Variants in RBFOX3 observed in about 807,000 individuals in gnomAD.
RBFOX3 encodes the protein RNA binding protein fox-1 homolog 3.
RBFOX3 carries 17 observed loss-of-function variants against 48.7 expected under a neutral mutation model. The observed-to-expected ratio is 0.35, with a 90% CI of 0.24 to 0.52. RBFOX3 has a LOEUF of 0.52. RBFOX3 is among the 20% of genes least tolerant of loss of function. The pLI is 0.94. For synonymous variants in RBFOX3, 212 were observed against 209.5 expected (o/e 1.01, Z -0.10); for missense variants, 382 against 497.5 (o/e 0.77, Z 2.21).
rs538011349 is a variant in RBFOX3 at position 79,311,770 on chromosome 17, G to C, written c.-174-3946C>G. Among the ~76,000 whole-genome samples the C allele has an allele frequency of 5.1e-4, 77 of 152,292 alleles. 1 individual carries two copies. Among genetic ancestry groups the C allele is most frequent in the Admixed American group, 3.3e-3 (51 of 15,292 alleles). On this transcript the variant is annotated intron_variant, in intron 2 of 14. Transcript: ENST00000693108. This position sits in a 1 kb window ranked among gnomAD's most constrained non-coding sequence, Gnocchi z 4.2. ...GCCCAGCATGCAGTTCTGGCTGGTG[G>C]AGTGGGAAGCAGTGCCCCCATGATG...
At chr17:79,397,022 C>T (rs954861672) in intron 2 of RBFOX3, among the ~76,000 whole-genome samples, 15 of 152,214 alleles carry the variant, frequency 9.9e-5, no homozygotes, top group African/African-American at 3.6e-4. Context: ...TGCTTCCTGG[C>T]TGCAAGGACG....
At chr17:79,589,260 G>T in intron 1 of RBFOX3, among the ~76,000 whole-genome samples, 1 of 151,756 alleles carries the variant, frequency 6.6e-6, no homozygotes, top group South Asian at 2.1e-4. Flanking sequence ...CCGCAGGTGG[G>T]CTTCTTCTGG....
intron 3 of RBFOX3, among the ~76,000 whole-genome samples, chr17:79,266,088 C>T (rs936751152): frequency 3.9e-5 from 6 of 152,210 alleles, no homozygotes; most frequent in African/African-American, 1.2e-4. Flanking sequence ...CTTCCCGCCC[C>T]TCTCAGCCTT....
At chr17:79,618,827 A>C in the RBFOX3 span, among the ~76,000 whole-genome samples, 1 of 152,196 alleles carries the variant, frequency 6.6e-6, no homozygotes, top group Non-Finnish European at 1.5e-5. Context: ...CATCTCCCTC[A>C]GCAAGAGGCA....
chr17:79,368,705 C>T (rs540566037), intron 2 of RBFOX3, among the ~76,000 whole-genome samples: 18 of 152,290 alleles, frequency 1.2e-4, no homozygotes, highest in Admixed American at 9.8e-4. Context: ...GATGCTGGTC[C>T]GAGGCCCCAC....
intron 8 of RBFOX3, among the ~76,000 whole-genome samples, chr17:79,102,730 G>A (rs993452189): frequency 3.0e-4 from 45 of 152,204 alleles, no homozygotes; most frequent in African/African-American, 1.1e-3. Flanking sequence ...CCAAGGTGGG[G>A]GCAAACTGCA....
At chr17:79,478,840 T>C (rs1374011369) in intron 2 of RBFOX3, among the ~76,000 whole-genome samples, 1 of 152,202 alleles carries the variant, frequency 6.6e-6, no homozygotes, top group East Asian at 1.9e-4. Flanking sequence ...TAGAATTTAC[T>C]ATACAGTAAA....
intron 1 of RBFOX3, among the ~76,000 whole-genome samples, chr17:79,545,031 C>G (rs535346863): frequency 4.3e-5 from 6 of 139,850 alleles, no homozygotes; most frequent in African/African-American, 1.3e-4. Flanking sequence ...ACAAATAAAA[C>G]TCTTTCCTTC....
Position 79,143,374 on chromosome 17 carries a change from G to C in RBFOX3, c.-33-27626C>G, listed in dbSNP as rs543742224. 3.3e-4 allele frequency among the ~76,000 whole-genome samples: 40 copies of C among 121,264 alleles called. 1 individual carries two copies. Among genetic ancestry groups the C allele is most frequent in the Admixed American group, 1.2e-3 (15 of 12,008 alleles). 79.6% of individuals were successfully genotyped at this position (121,264 alleles called of 152,430 possible). On this transcript the variant is annotated intron_variant, in intron 4 of 14. Coordinates refer to ENST00000693108, the MANE Select transcript of RBFOX3 (RefSeq NM_001350451.2). ...ATGGTGCTGTCCTTGTTGGTGGAGC[G>C]GGGGGTGGGGGGGGGTTCTATAAAT... is the stretch of plus-strand genomic sequence containing the variant.
intron 2 of RBFOX3, among the ~76,000 whole-genome samples, chr17:79,432,616 G>A (rs1008131457): frequency 9.2e-5 from 14 of 152,146 alleles, no homozygotes; most frequent in African/African-American, 2.4e-4. Context: ...TTATTCTTCC[G>A]TCCTTCTCAT....
intron 5 of RBFOX3, among the ~76,000 whole-genome samples, chr17:79,112,920 T>TGGGGGGGGGGAGGGGG (rs1568152586): frequency 3.4e-5 from 1 of 29,522 alleles, no homozygotes; most frequent in Non-Finnish European, 6.4e-5. Context: ...GGGGGTGGGC[T>TGGGGGGGGGGAGGGGG]GGGTAGGACT....
chr17:79,183,637 G>A (rs2052705158), intron 4 of RBFOX3, among the ~76,000 whole-genome samples: 1 of 152,180 alleles, frequency 6.6e-6, no homozygotes, highest in Non-Finnish European at 1.5e-5. Flanking sequence ...CGGGCGAGCG[G>A]GCGAGAGCAG....
intron 4 of RBFOX3, among the ~76,000 whole-genome samples, chr17:79,116,013 A>G (rs1599500631): frequency 6.6e-6 from 1 of 152,202 alleles, no homozygotes; most frequent in African/African-American, 2.4e-5. Flanking sequence ...CCTGGGTACA[A>G]GAACAACTGA....
At position 79,481,180 on chromosome 17, in the gene RBFOX3, T is replaced by G. The variant is rs1343946063; in HGVS notation, c.-175+1274A>C. ...TTGATGGGTATTGGAGAGACCAGCC[T>G]GTGTCCGGGCCTCTGGTCTCTTTGT... On this transcript the variant is annotated intron_variant, in intron 2 of 14. Transcript: ENST00000693108. The surrounding 1 kb of genome is among the most constrained non-coding windows in gnomAD (Gnocchi z 5.4). Among the ~76,000 whole-genome samples the G allele has an allele frequency of 6.6e-6, 1 of 152,180 alleles. No homozygotes were observed. The highest frequency in any genetic ancestry group is 2.4e-5 in the African/African-American group (1 of 41,452).
chr17:79,352,224 G>A (rs149677598), intron 2 of RBFOX3, among the ~76,000 whole-genome samples: 2 of 152,266 alleles, frequency 1.3e-5, no homozygotes, highest in African/African-American at 4.8e-5. Context: ...TCATGGGGGT[G>A]GTTTTTAATG....
At position 79,535,112 on chromosome 17, in the gene RBFOX3, C is replaced by T. The variant is rs1177163834; in HGVS notation, c.-319-52514G>A. Among the ~76,000 whole-genome samples the T allele has an allele frequency of 6.6e-6, 1 of 152,208 alleles. No homozygotes were observed. Among genetic ancestry groups the T allele is most frequent in the Non-Finnish European group, 1.5e-5 (1 of 68,038 alleles). On this transcript the variant is annotated intron_variant, in intron 1 of 14. Coordinates refer to ENST00000693108, the MANE Select transcript of RBFOX3 (RefSeq NM_001350451.2). This position sits in a 1 kb window ranked among gnomAD's most constrained non-coding sequence, Gnocchi z 4.5. ...TGACGGGAAGTCCAGGCTGTGGCAG[C>T]TGCGGGGTTGGGCGATTCAGCCCCT...
intron 1 of RBFOX3, among the ~76,000 whole-genome samples, chr17:79,499,690 TA>T (rs1408893020): frequency 6.6e-6 from 1 of 152,212 alleles, no homozygotes; most frequent in African/African-American, 2.4e-5. Context: ...TAATCACCTA[TA>T]AAATGGGGCA....
At chr17:79,227,136 C>G (rs2060401646) in intron 4 of RBFOX3, among the ~76,000 whole-genome samples, 1 of 152,242 alleles carries the variant, frequency 6.6e-6, no homozygotes, top group Non-Finnish European at 1.5e-5. Flanking sequence ...GCAGGCTGGA[C>G]ACTCAGCAAA....
intron 4 of RBFOX3, among the ~76,000 whole-genome samples, chr17:79,178,534 G>A (rs1184369435): frequency 4.6e-5 from 7 of 152,160 alleles, no homozygotes; most frequent in African/African-American, 1.2e-4. Context: ...GCAGCTTCCC[G>A]AGGTAGTACG....
Sources: allele counts gnomAD v4.1 joint callset (sites outside exome capture counted in the v4.1 genomes callset), GRCh38; gene constraint gnomAD v4.1.1; non-coding constraint Gnocchi (gnomAD v3.1); transcripts MANE v1.5; gene names NCBI Gene and HGNC (gene_info 2026-07-23, HGNC 2026-07-21).